Variants in CLDN14 observed in about 807,000 individuals in gnomAD.
CLDN14 encodes claudin-14.
A neutral mutation model predicts 2.1 loss-of-function variants in CLDN14; 2 were observed. The observed-to-expected ratio is 0.96, with a 90% CI of 0.39 to 3.01. The LOEUF (loss-of-function observed/expected upper bound fraction) is 3.01. Among genes scored for constraint, CLDN14 ranks in the 30% most tolerant of loss-of-function variants. The probability of loss-of-function intolerance (pLI) is 0.09; values close to 1 mark genes in which losing one functional copy is unlikely to be tolerated. For missense variants in CLDN14, 298 were observed against 328.0 expected (o/e 0.91, Z 0.71); for synonymous variants, 136 against 154.4 (o/e 0.88, Z 0.88).
At chr21:36,485,159 T>G (rs1037966237) in intron 2 of CLDN14, among the ~76,000 whole-genome samples, 7 of 151,528 alleles carry the variant, frequency 4.6e-5, no homozygotes, top group African/African-American at 1.7e-4. Flanking sequence ...CAGCCATATG[T>G]GTTCTTTACA....
intron 2 of CLDN14, among the ~76,000 whole-genome samples, chr21:36,503,858 G>A (rs1224989126): frequency 6.6e-6 from 1 of 151,794 alleles, no homozygotes; most frequent in Non-Finnish European, 1.5e-5. Context: ...TAGCTTCCAG[G>A]TATAAGTAGA....
In CLDN14 at chr21:36,491,282, C is replaced by T. The variant is rs548002601; in HGVS notation, c.-82+19081G>A. Among the ~76,000 whole-genome samples, 4 of 152,298 alleles carry T rather than the reference C, an allele frequency of 2.6e-5. No homozygotes were observed. The South Asian group carries it at 6.2e-4, about 24-fold the overall frequency. ...CTAAGGTTTGTGCCCTAAAACAAGGCACTGACTCACTGTGTTCAGCTCTTA... is the reference window on the plus strand; with the variant it reads ...CTAAGGTTTGTGCCCTAAAACAAGGTACTGACTCACTGTGTTCAGCTCTTA... On this transcript the variant is annotated intron_variant, in intron 2 of 2. Transcript: ENST00000342108.
chr21:36,510,575 G>C (rs866646135), intron 1 of CLDN14: 1 of 152,302 alleles, frequency 6.6e-6, no homozygotes, highest in Admixed American at 6.5e-5. Flanking sequence ...CTAGAGAGGA[G>C]GGCAGGCCTC....
intron 1 of CLDN14, among the ~76,000 whole-genome samples, chr21:36,464,662 C>G (rs955371605): frequency 3.9e-5 from 6 of 152,196 alleles, no homozygotes; most frequent in Non-Finnish European, 8.8e-5. Context: ...GCCAGCGGAC[C>G]CACCCTGCAC....
intron 1 of CLDN14, among the ~76,000 whole-genome samples, chr21:36,549,764 C>T (rs1475351668): frequency 1.3e-5 from 2 of 152,236 alleles, no homozygotes; most frequent in Non-Finnish European, 2.9e-5. Flanking sequence ...AACTTCCTCT[C>T]TTCCTTCAGG....
At chr21:36,573,258 G>T (rs2087721342) in intron 1 of CLDN14, among the ~76,000 whole-genome samples, 1 of 144,278 alleles carries the variant, frequency 6.9e-6, no homozygotes, top group South Asian at 2.2e-4. Flanking sequence ...CAGAGATCAT[G>T]CCAATGCACT....
At chr21:36,516,250 C>T (rs990729625) in intron 1 of CLDN14, among the ~76,000 whole-genome samples, 6 of 152,096 alleles carry the variant, frequency 3.9e-5, no homozygotes, top group African/African-American at 7.2e-5. Context: ...CATAAAGTTG[C>T]GGGAATACAG....
chr21:36,558,644 TTTTTA>T (rs2087614216), intron 1 of CLDN14, among the ~76,000 whole-genome samples: 1 of 152,148 alleles, frequency 6.6e-6, no homozygotes. Flanking sequence ...AAGGAAATTA[TTTTTA>T]AATTTCCTTT....
At chr21:36,500,812 T>C (rs1247311896) in intron 2 of CLDN14, among the ~76,000 whole-genome samples, 1 of 152,248 alleles carries the variant, frequency 6.6e-6, no homozygotes, top group East Asian at 1.9e-4. Context: ...CAGTAGGAAG[T>C]TGCCGATTCT....
chr21:36,543,386 A>T (rs1264857368), intron 1 of CLDN14, among the ~76,000 whole-genome samples: 1 of 152,202 alleles, frequency 6.6e-6, no homozygotes, highest in Non-Finnish European at 1.5e-5. Context: ...AAGAAATAAC[A>T]TAGTTCCCGT....
rs746155114 is a variant in CLDN14, at chr21:36,572,878, A to G, written c.-220+3533T>C. Among the ~76,000 whole-genome samples the G allele has an allele frequency of 3.3e-5, 5 of 152,236 alleles. No homozygotes were observed. In the East Asian group the frequency reaches 5.8e-4, roughly 18 times the overall value. ...ATATAGTAGATGCCTCCTAAATAATAGCTATTACTATTTCCAATCTTGCGC... is the reference window on the plus strand; with the variant it reads ...ATATAGTAGATGCCTCCTAAATAATGGCTATTACTATTTCCAATCTTGCGC... On this transcript the variant is annotated intron_variant, in intron 1 of 2. Coordinates refer to the CLDN14 transcript ENST00000342108.
intron 1 of CLDN14, among the ~76,000 whole-genome samples, chr21:36,512,794 T>A (rs2087196409): frequency 6.6e-6 from 1 of 152,136 alleles, no homozygotes; most frequent in Non-Finnish European, 1.5e-5. Flanking sequence ...AGGTTCCTCC[T>A]GGGGAGGGAA....
At chr21:36,562,245 A>T (rs2087641288) in intron 1 of CLDN14, among the ~76,000 whole-genome samples, 1 of 152,126 alleles carries the variant, frequency 6.6e-6, no homozygotes, top group Non-Finnish European at 1.5e-5. Context: ...AGGGTGGGAA[A>T]TCTGGCAGGG....
chr21:36,570,273 G>C (rs1331464441), intron 1 of CLDN14, among the ~76,000 whole-genome samples: 1 of 152,206 alleles, frequency 6.6e-6, no homozygotes, highest in Non-Finnish European at 1.5e-5. Context: ...CAGGTAGCAG[G>C]CTTCAGAGGG....
intron 1 of CLDN14, among the ~76,000 whole-genome samples, chr21:36,564,438 C>A (rs1362895753): frequency 1.3e-5 from 2 of 152,210 alleles, no homozygotes; most frequent in Non-Finnish European, 2.9e-5. Context: ...GATGACAGAA[C>A]CACCAGTAAA....
chr21:36,550,387 T>C (rs963759806), intron 1 of CLDN14, among the ~76,000 whole-genome samples: 2 of 152,156 alleles, frequency 1.3e-5, no homozygotes, highest in Non-Finnish European at 2.9e-5. Context: ...GAATAAGCTC[T>C]TTACCTTCAT....
At position 36,470,447 on chromosome 21, in the gene CLDN14, G is replaced by A. The variant is rs565191233; in HGVS notation, c.-81-8671C>T. ...GAATGTGGAGGATCGCCAGCAACCC[G>A]CGGAGAATCGCCAGCAACCCGCAGA... On this transcript the variant is annotated intron_variant, in intron 1 of 1. Coordinates refer to ENST00000399135, the MANE Select transcript of CLDN14 (RefSeq NM_001146079.2). 6.6e-5 allele frequency among the ~76,000 whole-genome samples: 10 copies of A among 151,968 alleles called. No individual in the cohort carries two copies. The East Asian group carries it at 9.7e-4, about 15-fold the overall frequency.
At chr21:36,547,557 G>T (rs927483780) in intron 1 of CLDN14, among the ~76,000 whole-genome samples, 1 of 152,190 alleles carries the variant, frequency 6.6e-6, no homozygotes, top group Admixed American at 6.5e-5. Context: ...AGAAACACGT[G>T]GAGAGGCGGC....
chr21:36,518,530 C>T (rs1028726933), intron 1 of CLDN14, among the ~76,000 whole-genome samples: 5 of 151,322 alleles, frequency 3.3e-5, no homozygotes, highest in South Asian at 2.1e-4. Flanking sequence ...ATCTGGGAGG[C>T]GGCGGTTGTA....
Sources: gnomAD v4.1 joint callset for allele counts (sites outside exome capture counted in the v4.1 genomes callset) on GRCh38, gnomAD v4.1.1 for gene constraint, MANE v1.5 for transcripts, NCBI Gene and HGNC (gene_info 2026-07-23, HGNC 2026-07-21) for gene names.